Variants in CRACR2A observed in about 807,000 individuals in gnomAD.
The protein encoded by CRACR2A is EF-hand calcium-binding domain-containing protein 4B.
A neutral mutation model predicts 90.5 loss-of-function variants in CRACR2A; 79 were observed. The observed-to-expected ratio is 0.87, with a 90% confidence interval of 0.73 to 1.05. The LOEUF (loss-of-function observed/expected upper bound fraction) is 1.05, where lower values mean the gene tolerates loss of function less well. CRACR2A is among the 50% of genes least tolerant of loss of function. The probability of loss-of-function intolerance (pLI) is 0.00; values close to 1 mark genes in which losing one functional copy is unlikely to be tolerated. For synonymous variants in CRACR2A, 338 were observed against 356.7 expected (o/e 0.95, Z 0.59); for missense variants, 823 against 897.2 (o/e 0.92, Z 1.06).
chr12:3,726,556 C>T (rs1415766054), intron 2 of CRACR2A: 2 of 151,906 alleles, frequency 1.3e-5, no homozygotes, highest in African/African-American at 4.8e-5. Context: ...AATGAGTTAC[C>T]CCCCTTTCCT....
chr12:3,675,529 A>G (rs1286364694), intron 6 of CRACR2A, among the ~76,000 whole-genome samples: 1 of 151,622 alleles, frequency 6.6e-6, no homozygotes, highest in Non-Finnish European at 1.5e-5. Context: ...TTGTTTTAAA[A>G]CTCTGTATGC....
At chr12:3,695,762 C>G (rs1050105897) in intron 4 of CRACR2A, among the ~76,000 whole-genome samples, 3 of 152,190 alleles carry the variant, frequency 2.0e-5, no homozygotes, top group East Asian at 3.8e-4. Context: ...GTGAGTGACA[C>G]AAAGACTCAG....
intron 7 of CRACR2A, among the ~76,000 whole-genome samples, chr12:3,662,934 C>T (rs1430295528): frequency 6.6e-6 from 1 of 152,236 alleles, no homozygotes; most frequent in Non-Finnish European, 1.5e-5. Context: ...TTTCTAAAAC[C>T]ACTTCTATTG....
chr12:3,687,191 T>C (rs1207501884), intron 4 of CRACR2A, among the ~76,000 whole-genome samples: 7 of 151,980 alleles, frequency 4.6e-5, no homozygotes, highest in Admixed American at 3.9e-4. Flanking sequence ...CATTTTCTTT[T>C]TTTTTTTTTT....
chr12:3,647,082 G>A (rs569284837), intron 11 of CRACR2A, among the ~76,000 whole-genome samples: 10 of 152,272 alleles, frequency 6.6e-5, no homozygotes, highest in African/African-American at 9.6e-5. Flanking sequence ...AATTGCTTGC[G>A]TTTGTACCCA....
chr12:3,745,011 A>C (rs1044129308), intron 1 of CRACR2A, among the ~76,000 whole-genome samples: 15 of 152,158 alleles, frequency 9.9e-5, no homozygotes, highest in Non-Finnish European at 1.6e-4. Context: ...CCTAAACCTC[A>C]ACTCTCTGCC....
chr12:3,618,163 T>C (rs1421315342), intron 18 of CRACR2A, among the ~76,000 whole-genome samples: 1 of 141,358 alleles, frequency 7.1e-6, no homozygotes. Flanking sequence ...AGTTTTTTTT[T>C]CACTAACAAA....
chr12:3,744,484 T>A lies in CRACR2A; in HGVS notation c.-387+8531A>T, dbSNP rs141306619. ...GCAGGAAGAATCAGAGAGTCCAGAATCAAGTCCCAGCTCTGAAATTACACT... is the reference window on the plus strand; with the variant it reads ...GCAGGAAGAATCAGAGAGTCCAGAAACAAGTCCCAGCTCTGAAATTACACT... On this transcript the variant is annotated intron_variant, in intron 1 of 19. Transcript: ENST00000440314. 2.2e-3 allele frequency among the ~76,000 whole-genome samples: 333 copies of A among 152,244 alleles called. 1 individual carries two copies. The highest frequency in any genetic ancestry group is 3.5e-3 in the Admixed American group (53 of 15,302).
intron 13 of CRACR2A, 122 bp downstream of exon 13, chr12:3,641,610 G>A: frequency 1.4e-6 from 1 of 740,388 alleles, no homozygotes; most frequent in Non-Finnish European, 2.2e-6. Flanking sequence ...TGAGGGGAGT[G>A]AGTGCAGCTG....
chr12:3,683,786 T>C (rs906175885), intron 4 of CRACR2A, among the ~76,000 whole-genome samples: 3 of 152,224 alleles, frequency 2.0e-5, no homozygotes, highest in Non-Finnish European at 2.9e-5. Flanking sequence ...ACTATTTAGA[T>C]AAGTGTTGAA....
At chr12:3,715,599 G>A (rs1260970902) in intron 2 of CRACR2A, among the ~76,000 whole-genome samples, 1 of 152,178 alleles carries the variant, frequency 6.6e-6, no homozygotes, top group Non-Finnish European at 1.5e-5. Flanking sequence ...ATTGTCACTG[G>A]GAGAGGTCAC....
At chr12:3,741,079 A>G (rs1286810847) in intron 1 of CRACR2A, among the ~76,000 whole-genome samples, 1 of 152,190 alleles carries the variant, frequency 6.6e-6, no homozygotes, top group African/African-American at 2.4e-5. Flanking sequence ...GAAGCTCCAG[A>G]TAGCAGGACA....
intron 2 of CRACR2A, among the ~76,000 whole-genome samples, chr12:3,722,251 AG>A (rs1167535318): frequency 6.6e-6 from 1 of 152,248 alleles, no homozygotes; most frequent in Non-Finnish European, 1.5e-5. Context: ...GGAGTCATCA[AG>A]GGTTCCAGGA....
At chr12:3,692,872 C>A (rs912450305) in intron 4 of CRACR2A, among the ~76,000 whole-genome samples, 4 of 152,160 alleles carry the variant, frequency 2.6e-5, no homozygotes, top group African/African-American at 9.7e-5. Flanking sequence ...TCTCCATCAC[C>A]ACAGTCATGG....
At chr12:3,647,826 T>C (rs1028694999) in intron 11 of CRACR2A, 1 of 982,124 alleles carries the variant, frequency 1.0e-6, no homozygotes, top group Non-Finnish European at 1.2e-6. Flanking sequence ...TCCTCACCAT[T>C]CCCCAAGAGG....
intron 3 of CRACR2A, among the ~76,000 whole-genome samples, chr12:3,710,302 A>C (rs1186253846): frequency 1.3e-5 from 2 of 152,196 alleles, no homozygotes; most frequent in African/African-American, 4.8e-5. Flanking sequence ...AAGTCTTACC[A>C]GTATTTAATA....
intron 14 of CRACR2A, among the ~76,000 whole-genome samples, chr12:3,637,881 T>C (rs1944485358): frequency 1.3e-5 from 2 of 152,134 alleles, no homozygotes; most frequent in Admixed American, 6.5e-5. Context: ...TCAGTTTCCT[T>C]AGGATTTTGA....
At chr12:3,662,708 A>G (rs1411782942) in intron 7 of CRACR2A, among the ~76,000 whole-genome samples, 1 of 152,218 alleles carries the variant, frequency 6.6e-6, no homozygotes, top group Non-Finnish European at 1.5e-5. Flanking sequence ...AGACCAATCC[A>G]TTGGAGACCC....
chr12:3,629,789 C>T (rs1048112759), intron 15 of CRACR2A, among the ~76,000 whole-genome samples: 8 of 136,338 alleles, frequency 5.9e-5, no homozygotes, highest in South Asian at 2.4e-4. Flanking sequence ...ACAGGCAGGC[C>T]GAGGAAGCAG....
Sources: allele counts gnomAD v4.1 joint callset (sites outside exome capture counted in the v4.1 genomes callset), GRCh38; gene constraint gnomAD v4.1.1; transcripts MANE v1.5; gene names NCBI Gene and HGNC (gene_info 2026-07-23, HGNC 2026-07-21).